Variants in NDC1 observed in about 807,000 individuals in gnomAD.
The protein encoded by NDC1 is NDC1 transmembrane nucleoporin.
In NDC1, 24 loss-of-function variants were observed where a neutral mutation model predicts 89.8. That is an observed-to-expected ratio of 0.27 (90% CI 0.19 to 0.38). The LOEUF is 0.38. Ranked by LOEUF, NDC1 falls within the 10% of genes least tolerant of loss-of-function variation. The pLI, the probability that NDC1 is intolerant of heterozygous loss-of-function variation, is 1.00. For missense variants in NDC1, 728 were observed against 797.6 expected (o/e 0.91, Z 1.05); for synonymous variants, 296 against 284.8 (o/e 1.04, Z -0.39).
At chr1:53,768,314 T>C (rs1647083474) in intron 17 of NDC1, among the ~76,000 whole-genome samples, 1 of 152,254 alleles carries the variant, frequency 6.6e-6, no homozygotes. Flanking sequence ...GAACCTGCTG[T>C]GCGGAGTTCC....
intron 17 of NDC1, among the ~76,000 whole-genome samples, chr1:53,771,670 T>C (rs1647114168): frequency 6.6e-6 from 1 of 152,206 alleles, no homozygotes; most frequent in African/African-American, 2.4e-5. Flanking sequence ...ATTGATTGCA[T>C]ACAAAAACAG....
At chr1:53,797,376 T>TC (rs1553148375) in intron 11 of NDC1, among the ~76,000 whole-genome samples, 316 of 151,216 alleles carry the variant, frequency 2.1e-3, no homozygotes, top group East Asian at 7.6e-3. Flanking sequence ...TCTCTCTTTT[T>TC]CCCCCCCCAT....
At chr1:53,775,973 G>C (rs868433892) in intron 16 of NDC1, among the ~76,000 whole-genome samples, 48 of 65,498 alleles carry the variant, frequency 7.3e-4, no homozygotes, top group African/African-American at 1.4e-3. Context: ...TTTTTTTTTT[G>C]AGACGGAGTC....
rs147263251 is a variant in NDC1 at position 53,805,210 on chromosome 1, G to A, written c.985-1201C>T. 8.6e-3 allele frequency among the ~76,000 whole-genome samples: 1,311 copies of A among 152,064 alleles called. 13 individuals are homozygous for A. The highest frequency in any genetic ancestry group is 0.016 in the South Asian group (78 of 4,798). On this transcript the variant is annotated intron_variant, in intron 9 of 17. Transcript: ENST00000371429. ...ATTTCTGTTTGTTTGTTTAGAGATG[G>A]GGTCTCACTCTGCCACCCAGGCTAA...
intron 3 of NDC1, among the ~76,000 whole-genome samples, chr1:53,831,368 T>A (rs1181173): frequency 0.016 from 2,383 of 146,478 alleles, 83 homozygotes; most frequent in African/African-American, 0.059. Flanking sequence ...ATTTAAAAAA[T>A]TTTTTTTAAG....
chr1:53,771,681 C>T (rs1647114336), intron 17 of NDC1, among the ~76,000 whole-genome samples: 1 of 152,206 alleles, frequency 6.6e-6, no homozygotes, highest in Admixed American at 6.5e-5. Context: ...ACAAAAACAG[C>T]AGAGCAATCT....
rs770828109 is a variant in NDC1 at position 53,825,878 on chromosome 1, T to C, written c.514A>G (p.Thr172Ala). 9.3e-6 allele frequency: 15 copies of C among 1,610,542 alleles called. No individual in the cohort carries two copies. The South Asian group carries it at 1.7e-4, about 18-fold the overall frequency. Residue 172 changes from threonine to alanine, a missense_variant, in exon 5 of 18, where the codon ACT becomes GCT. Coordinates refer to ENST00000371429, the MANE Select transcript of NDC1 (RefSeq NM_018087.5). ...LNEYHLFFLL[T>A]GAFMGYSYSL... is the part of the protein sequence containing the mutation. ...TAGCTATAGCCCATAAATGCTCCAG[T>C]CAGTAGGAAAAAAAGATGATATTCA...
intron 8 of NDC1, among the ~76,000 whole-genome samples, chr1:53,807,163 C>T: frequency 6.9e-6 from 1 of 145,168 alleles, no homozygotes; most frequent in East Asian, 2.1e-4. Flanking sequence ...GGGAGAATCA[C>T]TTGAACCTGG....
chr1:53,811,858 C>A (rs1648318304), intron 6 of NDC1, among the ~76,000 whole-genome samples: 1 of 152,120 alleles, frequency 6.6e-6, no homozygotes, highest in South Asian at 2.1e-4. Context: ...GTCCACTGCA[C>A]CCCCTCACCA....
In NDC1 at chr1:53,803,949, C is replaced by T; in HGVS notation, c.1045G>A (p.Val349Ile). ...ATACCTGGTTGGCTGAGGCTGAAAACTTCTTGTCTTCGTGAAGGAGAATAT... is the reference window on the plus strand; with the variant it reads ...ATACCTGGTTGGCTGAGGCTGAAAATTTCTTGTCTTCGTGAAGGAGAATAT... ...SQYSPSRRQE[V>I]FSLSQPGGHP... The change falls in exon 10 of 18, where the codon GTT becomes ATT. Residue 349 changes from valine to isoleucine, a missense_variant. Transcript: ENST00000371429. The T allele has an allele frequency of 6.2e-7, 1 of 1,613,892 alleles. No homozygotes were observed. Among genetic ancestry groups the T allele is most frequent in the Non-Finnish European group, 8.5e-7 (1 of 1,179,772 alleles).
rs148333247 is a variant in NDC1 at position 53,796,760 on chromosome 1, T to G, written c.1513A>C (p.Ile505Leu). 1 of 1,610,964 alleles carries G rather than the reference T, an allele frequency of 6.2e-7. No individual in the cohort carries two copies. Among genetic ancestry groups the G allele is most frequent in the African/African-American group, 1.3e-5 (1 of 74,788 alleles). ...CTCATTGTCTTACCCTCAGCACTAA[T>G]AGAGGTAGATGGAGAAGGATTAGAA... The part of the protein sequence containing the change: ...EFSNPSPSTS[I>L]SAEGKTMRQP... The change falls in exon 13 of 18, where the codon ATT (isoleucine) becomes CTT (leucine). Residue 505 changes from isoleucine (I) to leucine (L), a missense_variant. Ile to Leu is a conservative substitution (Grantham distance 5, BLOSUM62 2). Transcript: ENST00000371429.
At chr1:53,786,184 C>T (rs1647301006) in intron 16 of NDC1, among the ~76,000 whole-genome samples, 1 of 152,112 alleles carries the variant, frequency 6.6e-6, no homozygotes, top group African/African-American at 2.4e-5. Flanking sequence ...CCTCAGCCTC[C>T]CAAAGTGTTG....
rs571492292 is a variant in NDC1 at position 53,802,860 on chromosome 1, C to G, written c.1066+1068G>C. ...GAGCATCCTTGAGTCACCATTGAAT[C>G]TAGTTTCTTCCTAATTTTTTTTTAA... On this transcript the variant is annotated intron_variant, in intron 10 of 17. Transcript: ENST00000371429. 3.3e-5 allele frequency among the ~76,000 whole-genome samples: 5 copies of G among 152,204 alleles called. No homozygotes were observed. In the East Asian group the frequency reaches 9.7e-4, roughly 29 times the overall value.
chr1:53,830,234 A>G (rs897553092), intron 3 of NDC1, among the ~76,000 whole-genome samples: 1 of 151,712 alleles, frequency 6.6e-6, no homozygotes, highest in Non-Finnish European at 1.5e-5. Flanking sequence ...CAAGCGGATC[A>G]CTTGAGGTCG....
intron 16 of NDC1, among the ~76,000 whole-genome samples, chr1:53,776,828 G>C (rs1480040206): frequency 6.6e-6 from 1 of 152,022 alleles, no homozygotes; most frequent in Non-Finnish European, 1.5e-5. Context: ...AATACTACAT[G>C]ATTTTATCAT....
chr1:53,807,493 A>G (rs1471191546), intron 8 of NDC1, among the ~76,000 whole-genome samples, 163 bp downstream of exon 8: 1 of 152,086 alleles, frequency 6.6e-6, no homozygotes, highest in African/African-American at 2.4e-5. Flanking sequence ...AATACCACAT[A>G]AATGGTGGTT....
At chr1:53,792,034 C>T (rs1232405241) in intron 14 of NDC1, among the ~76,000 whole-genome samples, 6 of 152,022 alleles carry the variant, frequency 3.9e-5, no homozygotes, top group Non-Finnish European at 8.8e-5. Context: ...GCTCCGCCTC[C>T]CGGGTTCATG....
intron 16 of NDC1, among the ~76,000 whole-genome samples, chr1:53,773,602 G>A (rs1647137370): frequency 6.6e-6 from 1 of 152,200 alleles, no homozygotes; most frequent in South Asian, 2.1e-4. Flanking sequence ...CATGACTGGG[G>A]ATTACAGACG....
chr1:53,829,932 C>T (rs1390493719), intron 3 of NDC1, among the ~76,000 whole-genome samples: 2 of 152,126 alleles, frequency 1.3e-5, no homozygotes, highest in Non-Finnish European at 2.9e-5. Context: ...GTGGGCAGAT[C>T]ATGAGTTCAG....
Sources: allele counts gnomAD v4.1 joint callset (sites outside exome capture counted in the v4.1 genomes callset), GRCh38; gene constraint gnomAD v4.1.1; transcripts MANE v1.5; gene names NCBI Gene and HGNC (gene_info 2026-07-23, HGNC 2026-07-21).